Variants in PBRM1 observed in about 807,000 individuals in gnomAD.
PBRM1 encodes the protein polybromo 1, also known as protein polybromo-1.
PBRM1 carries 27 observed loss-of-function variants against 194.5 expected under a neutral mutation model. That is an observed-to-expected ratio of 0.14 (90% CI 0.10 to 0.19). The LOEUF is 0.19. PBRM1 is among the 10% of genes least tolerant of loss of function. The pLI, the probability that PBRM1 is intolerant of heterozygous loss-of-function variation, is 1.00. For synonymous variants in PBRM1, 655 were observed against 693.2 expected (o/e 0.94, Z 0.87); for missense variants, 1,466 against 2,077.2 (o/e 0.71, Z 5.72).
intron 3 of PBRM1, 88 bp downstream of exon 4, chr3:52,668,410 T>C (rs2096882160): frequency 1.1e-6 from 1 of 898,262 alleles, no homozygotes; most frequent in Admixed American, 3.3e-5. Context: ...AAACTACTAC[T>C]CACCTGCCAG....
intron 2 of PBRM1, among the ~76,000 whole-genome samples, chr3:52,671,002 C>G (rs1212700964): frequency 1.3e-5 from 2 of 152,212 alleles, no homozygotes; most frequent in Admixed American, 6.5e-5. Context: ...TTTTTCCATA[C>G]TGGCTGGAAG....
chr3:52,587,907 T>C (rs571580014), intron 18 of PBRM1, among the ~76,000 whole-genome samples: 7 of 151,990 alleles, frequency 4.6e-5, no homozygotes, highest in Admixed American at 1.3e-4. Flanking sequence ...TATATATATA[T>C]ACACCCTCAA....
intron 5 of PBRM1, among the ~76,000 whole-genome samples, chr3:52,655,331 T>C (rs2096589804): frequency 6.6e-6 from 1 of 152,204 alleles, no homozygotes. Flanking sequence ...ATACAGTATT[T>C]GTCCTTTTGT....
intron 17 of PBRM1, among the ~76,000 whole-genome samples, chr3:52,590,026 C>T (rs1272517109): frequency 2.6e-5 from 4 of 151,920 alleles, no homozygotes; most frequent in African/African-American, 7.3e-5. Flanking sequence ...TGGGGTTTCT[C>T]CATCTTGGTC....
intron 25 of PBRM1, among the ~76,000 whole-genome samples, chr3:52,559,800 T>C (rs2083037029): frequency 6.8e-6 from 1 of 147,360 alleles, no homozygotes; most frequent in Non-Finnish European, 1.5e-5. Context: ...ACAATGAGTA[T>C]GAGAAACGAA....
rs775115869 is a variant in PBRM1 at position 52,668,677 on chromosome 3, T to C, written c.237-32A>G. 2.2e-6 allele frequency: 3 copies of C among 1,346,718 alleles called. No homozygotes were observed. In the African/African-American group the frequency reaches 4.6e-5, roughly 21 times the overall value. The allele number at this position is 1,346,718 out of a possible 1,614,324, so 83.4% of individuals were successfully genotyped here. ...TAATTTAAATTTTTTTAAAGGAGAT[T>C]AATCTGAAGCTTACAAAAAGTTTTA... On this transcript the variant is annotated intron_variant, in intron 2 of 29. Coordinates refer to ENST00000296302, the Ensembl canonical transcript of PBRM1.
intron 23 of PBRM1, among the ~76,000 whole-genome samples, 172 bp from the exon 26 acceptor site, chr3:52,563,665 G>A (rs1043602617): frequency 6.6e-6 from 1 of 151,562 alleles, no homozygotes; most frequent in African/African-American, 2.4e-5. Flanking sequence ...CTTGTACTTA[G>A]AGATGCTTGT....
intron 5 of PBRM1, among the ~76,000 whole-genome samples, chr3:52,657,603 G>A (rs1333745718): frequency 1.3e-5 from 2 of 151,814 alleles, no homozygotes; most frequent in African/African-American, 4.8e-5. Context: ...CCGAGTAGGT[G>A]GGATTACAGG....
upstream of PBRM1, among the ~76,000 whole-genome samples, chr3:52,684,337 T>C (rs1022199527): frequency 6.6e-6 from 1 of 152,106 alleles, no homozygotes; most frequent in Admixed American, 6.5e-5. Flanking sequence ...TAGTGGACAG[T>C]TAAGAATACT....
Position 52,674,496 on chromosome 3 carries a change from A to AG in PBRM1, c.236+4003_236+4004insC, listed in dbSNP as rs1553891666. Among the ~76,000 whole-genome samples the AG allele has an allele frequency of 3.2e-3, 441 of 138,202 alleles. 2 individuals are homozygous for AG. The highest frequency in any genetic ancestry group is 9.3e-3 in the African/African-American group (356 of 38,154). The allele number at this position is 138,202 out of a possible 152,430, so 90.7% of individuals were successfully genotyped here. On this transcript the variant is annotated intron_variant, in intron 2 of 29. Coordinates refer to ENST00000296302, the Ensembl canonical transcript of PBRM1. Reference sequence around the variant, plus strand: ...CTCCATCTCAAAAAAAAAAAAAAAAAAGAGAGAGAGAGGCTGGGTGTGGTG... The same window carrying AG: ...CTCCATCTCAAAAAAAAAAAAAAAAAGAGAGAGAGAGAGGCTGGGTGTGGTG...
intron 2 of PBRM1, among the ~76,000 whole-genome samples, chr3:52,673,528 C>T (rs2097003026): frequency 6.6e-6 from 1 of 151,016 alleles, no homozygotes; most frequent in Non-Finnish European, 1.5e-5. Context: ...AAAAATTAGC[C>T]AGGCATAGTG....
chr3:52,675,666 A>C (rs577916209), intron 2 of PBRM1, among the ~76,000 whole-genome samples: 1 of 152,204 alleles, frequency 6.6e-6, no homozygotes, highest in Non-Finnish European at 1.5e-5. Context: ...CTGGTATAAA[A>C]ACAGACACAG....
chr3:52,666,588 C>A (rs1045143571), intron 3 of PBRM1, among the ~76,000 whole-genome samples: 4 of 150,676 alleles, frequency 2.7e-5, no homozygotes, highest in African/African-American at 7.3e-5. Context: ...TACTTTCTAA[C>A]CAGAAAAAGA....
At chr3:52,586,516 G>A (rs2153767943) in exon 20 of PBRM1, 1 of 1,613,956 alleles carries the variant, frequency 6.2e-7, no homozygotes, top group Admixed American at 1.7e-5. Context: ...TGCAAATACA[G>A]AGGCCACGCG....
chr3:52,616,777 A>G (rs2094979762), intron 14 of PBRM1, among the ~76,000 whole-genome samples: 1 of 152,254 alleles, frequency 6.6e-6, no homozygotes, highest in African/African-American at 2.4e-5. Flanking sequence ...GCTGATTTTT[A>G]TATAATTATA....
In PBRM1 at chr3:52,576,442, T is replaced by G. The variant is rs1275835396; in HGVS notation, c.3691+99A>C. 1.0e-5 allele frequency: 8 copies of G among 785,774 alleles called. No homozygotes were observed. In the Admixed American group the frequency reaches 2.5e-4, roughly 24 times the overall value. The allele number at this position is 785,774 out of a possible 1,614,324, so 48.7% of individuals were successfully genotyped here. A position where few individuals can be genotyped will look rare whatever the true frequency, so the allele number is the denominator to read the frequency against. ...AGAACAGAGATTTGGATTTGGGCAC[T>G]GCTCTATACCTAACACCTAGAACAG... On this transcript the variant is annotated intron_variant, in intron 22 of 29. Coordinates refer to ENST00000296302, the Ensembl canonical transcript of PBRM1.
chr3:52,626,847 GACAA>G (rs374774285), intron 13 of PBRM1, among the ~76,000 whole-genome samples: 16 of 152,188 alleles, frequency 1.1e-4, no homozygotes, highest in East Asian at 7.7e-4. Flanking sequence ...GGTGAACAAG[GACAA>G]ACAAAGGGTA....
At chr3:52,547,213 T>C (rs978379734), downstream of PBRM1, 7 of 233,006 alleles carry the variant, frequency 3.0e-5, no homozygotes, top group South Asian at 1.8e-4. Context: ...TGTGAATTCA[T>C]TATAAATAGA....
chr3:52,659,029 C>CT (rs1165459432), intron 4 of PBRM1, among the ~76,000 whole-genome samples: 4 of 152,190 alleles, frequency 2.6e-5, no homozygotes, highest in Non-Finnish European at 5.9e-5. Context: ...ACAATGACTA[C>CT]TTACATAGAG....
Sources: gnomAD v4.1 joint callset for allele counts (sites outside exome capture counted in the v4.1 genomes callset) on GRCh38, gnomAD v4.1.1 for gene constraint, MANE v1.5 for transcripts, NCBI Gene and HGNC (gene_info 2026-07-23, HGNC 2026-07-21) for gene names.